Variants in PPFIBP1 observed in about 807,000 individuals in gnomAD.
The protein encoded by PPFIBP1 is liprin-beta-1.
Under a neutral mutation model 137.8 loss-of-function variants are expected in PPFIBP1, and 112 were observed. That is an observed-to-expected ratio of 0.81 (90% CI 0.70 to 0.95). The LOEUF (loss-of-function observed/expected upper bound fraction) is 0.95. Ranked by LOEUF, PPFIBP1 falls within the 40% of genes least tolerant of loss-of-function variation. PPFIBP1 has a pLI of 0.00. For synonymous variants in PPFIBP1, 378 were observed against 417.3 expected (o/e 0.91, Z 1.15); for missense variants, 1,083 against 1,196.6 (o/e 0.91, Z 1.40).
At chr12:27,593,668 T>G (rs573784396) in intron 2 of PPFIBP1, 5 of 546,840 alleles carry the variant, frequency 9.1e-6, no homozygotes, top group African/African-American at 5.8e-5. Flanking sequence ...ACAGATAGTT[T>G]TGTCCTCTCT....
intron 10 of PPFIBP1, 47 bp downstream of exon 10, chr12:27,658,895 C>T (rs2059376599): frequency 6.5e-7 from 1 of 1,533,650 alleles, no homozygotes; most frequent in African/African-American, 1.4e-5. Context: ...ACCAAAAATA[C>T]TACCTTGGAC....
chr12:27,691,120 A>C (rs1185354750), intron 27 of PPFIBP1, among the ~76,000 whole-genome samples: 1 of 148,644 alleles, frequency 6.7e-6, no homozygotes, highest in Admixed American at 6.8e-5. Flanking sequence ...TTTAGCAGTC[A>C]CCAGTCCTGT....
chr12:27,671,691 G>T (rs539059113), intron 14 of PPFIBP1, 145 bp downstream of exon 14: 21 of 532,558 alleles, frequency 3.9e-5, no homozygotes, highest in African/African-American at 1.8e-4. Flanking sequence ...TCTGTAATCA[G>T]TTCTGTATTA....
At chr12:27,652,111 G>C (rs537365396) in intron 7 of PPFIBP1, among the ~76,000 whole-genome samples, 1 of 152,242 alleles carries the variant, frequency 6.6e-6, no homozygotes, top group South Asian at 2.1e-4. Context: ...ATATTCTCAT[G>C]TTCTTGTTAT....
Position 27,646,293 on chromosome 12 carries a change from T to C in PPFIBP1, c.357+145T>C, listed in dbSNP as rs574309481. ...GCCATCTGTACACAATAGGGAGTGG[T>C]GAGGATTGGGGCAGAATGATGGTGT... On this transcript the variant is annotated intron_variant, in intron 5 of 29. Transcript: ENST00000228425. The C allele has an allele frequency of 1.4e-5, 10 of 703,424 alleles. No homozygotes were observed. The African/African-American group carries it at 1.6e-4, about 11-fold the overall frequency. The allele number at this position is 703,424 out of a possible 1,614,324, so 43.6% of individuals were successfully genotyped here.
chr12:27,543,851 T>C (rs949874873), intron 1 of PPFIBP1, among the ~76,000 whole-genome samples: 1 of 150,852 alleles, frequency 6.6e-6, no homozygotes, highest in Non-Finnish European at 1.5e-5. Context: ...TTGCTTGTCT[T>C]TTTTTCCCAG....
intron 21 of PPFIBP1, among the ~76,000 whole-genome samples, chr12:27,680,893 T>C (rs1186062441): frequency 1.3e-5 from 2 of 152,154 alleles, no homozygotes; most frequent in East Asian, 3.8e-4. Context: ...TGGACATAGG[T>C]TACATCAAGG....
chr12:27,682,493 T>C lies in PPFIBP1; in HGVS notation c.2153T>C (p.Val718Ala), dbSNP rs772012296. ...CATGGGAAGCTGGATTTCAACTGGG[T>C]CACTAGTAAGAAGTTTTTATTCTAA... Reference protein sequence around the residue: ...TNHGKLDFNWVTRWLDDIGLP... With the variant: ...TNHGKLDFNWATRWLDDIGLP... The change falls in exon 23 of 30, where the codon GTC (valine) becomes GCC (alanine). Residue 718 changes from valine (V) to alanine (A), a missense_variant. By Grantham distance (64) the Val-to-Ala change is moderately conservative. Transcript: ENST00000228425. 8 of 1,612,596 alleles carry C rather than the reference T, an allele frequency of 5.0e-6. No individual in the cohort carries two copies. In the African/African-American group the frequency reaches 8.0e-5, roughly 16 times the overall value.
intron 2 of PPFIBP1, chr12:27,594,096 GA>G (rs2052886276): frequency 1.8e-6 from 2 of 1,083,176 alleles, no homozygotes; most frequent in South Asian, 4.3e-5. Context: ...AAGAAAAGAA[GA>G]AAAAAGAAAA....
At chr12:27,596,489 A>G (rs2053321516) in intron 2 of PPFIBP1, among the ~76,000 whole-genome samples, 2 of 152,214 alleles carry the variant, frequency 1.3e-5, no homozygotes, top group African/African-American at 4.8e-5. Context: ...CAGAAGTAAC[A>G]TGTTCCCCAG....
chr12:27,688,929 G>A (rs535690282), intron 26 of PPFIBP1, 86 bp from the exon 27 acceptor site: 29 of 1,379,004 alleles, frequency 2.1e-5, no homozygotes, highest in Middle Eastern at 4.3e-4. Flanking sequence ...TAACCTAAGA[G>A]AAAGCTTTGC....
intron 1 of PPFIBP1, among the ~76,000 whole-genome samples, chr12:27,558,262 T>TTTTTGTTTTG (rs58268682): frequency 4.6e-4 from 68 of 148,278 alleles, no homozygotes; most frequent in Admixed American, 1.1e-3. Context: ...CTGGGTTTTT[T>TTTTTGTTTTG]TTTTGTTTTG....
intron 3 of PPFIBP1, 31 bp from the exon 4 acceptor site, chr12:27,634,879 A>G: frequency 1.3e-6 from 2 of 1,585,276 alleles, no homozygotes; most frequent in Non-Finnish European, 1.7e-6. Context: ...CATAAATCCC[A>G]TTGCTCTCTC....
intron 2 of PPFIBP1, among the ~76,000 whole-genome samples, chr12:27,601,683 G>A (rs2054009275): frequency 8.2e-6 from 1 of 122,682 alleles, no homozygotes; most frequent in African/African-American, 2.6e-5. Flanking sequence ...GACCTCAGCT[G>A]AGTTGTTTAT....
At chr12:27,644,243 A>ATTTTTTTTTTTTTTT in intron 4 of PPFIBP1, among the ~76,000 whole-genome samples, 2 of 50,916 alleles carry the variant, frequency 3.9e-5, no homozygotes, top group Admixed American at 2.2e-4. Context: ...AGCTTGGCTA[A>ATTTTTTTTTTTTTTT]GTTTTTTTTT....
intron 1 of PPFIBP1, among the ~76,000 whole-genome samples, chr12:27,566,284 A>G (rs2049660812): frequency 6.6e-6 from 1 of 152,136 alleles, no homozygotes; most frequent in Non-Finnish European, 1.5e-5. Flanking sequence ...TTGGCCCATG[A>G]TAGTCAAAGA....
intron 4 of PPFIBP1, among the ~76,000 whole-genome samples, chr12:27,644,248 T>TTTTTTTTTTTTTTTTTTTG (rs2058320976): frequency 2.6e-5 from 1 of 38,714 alleles, no homozygotes; most frequent in African/African-American, 1.1e-4. Flanking sequence ...GGCTAAGTTT[T>TTTTTTTTTTTTTTTTTTTG]TTTTTTTTTT....
intron 2 of PPFIBP1, among the ~76,000 whole-genome samples, chr12:27,587,653 G>A (rs1414132196): frequency 6.9e-6 from 1 of 144,638 alleles, no homozygotes; most frequent in Non-Finnish European, 1.5e-5. Flanking sequence ...AGATATTACT[G>A]TCATACAAGT....
At chr12:27,542,234 T>C (rs1945750573) in intron 1 of PPFIBP1, among the ~76,000 whole-genome samples, 1 of 152,162 alleles carries the variant, frequency 6.6e-6, no homozygotes, top group South Asian at 2.1e-4. Flanking sequence ...ATTTACGTTG[T>C]ATTAGGTCTT....
Sources: gnomAD v4.1 joint callset for allele counts (sites outside exome capture counted in the v4.1 genomes callset) on GRCh38, gnomAD v4.1.1 for gene constraint, MANE v1.5 for transcripts, NCBI Gene and HGNC (gene_info 2026-07-23, HGNC 2026-07-21) for gene names.